The following ZBTB16 variants were observed in gnomAD, a reference collection of about 807,000 sequenced individuals.
ZBTB16 encodes the protein zinc finger and BTB domain-containing protein 16.
ZBTB16 carries 8 observed loss-of-function variants against 56.8 expected under a neutral mutation model. That is an observed-to-expected ratio of 0.14 (90% CI 0.08 to 0.25). The LOEUF is 0.25. Among genes scored for constraint, ZBTB16 ranks in the 10% least tolerant of loss-of-function variants. The probability of loss-of-function intolerance (pLI) is 1.00; values close to 1 mark genes in which losing one functional copy is unlikely to be tolerated. For synonymous variants in ZBTB16, 363 were observed against 368.5 expected, an observed-to-expected ratio of 0.98 and a Z score of 0.17; for missense variants, 625 against 903.0, an observed-to-expected ratio of 0.69 and a Z score of 3.95.
At chr11:114,211,256 C>G (rs1943993601) in intron 4 of ZBTB16, among the ~76,000 whole-genome samples, 1 of 152,136 alleles carries the variant, frequency 6.6e-6, no homozygotes, top group Non-Finnish European at 1.5e-5. Flanking sequence ...TCTTCTCCTT[C>G]CAGGCAGAAA....
intron 2 of ZBTB16, among the ~76,000 whole-genome samples, chr11:114,149,986 C>T (rs1942243219): frequency 6.6e-6 from 1 of 152,220 alleles, no homozygotes; most frequent in African/African-American, 2.4e-5. Flanking sequence ...TGGATCTGTG[C>T]TGAGGCCATA....
chr11:114,183,997 C>G (rs1943309456), intron 3 of ZBTB16, among the ~76,000 whole-genome samples: 1 of 152,376 alleles, frequency 6.6e-6, no homozygotes, highest in South Asian at 2.1e-4. Flanking sequence ...ACCCAGAGGT[C>G]ACCATGGGAT....
chr11:114,225,157 G>A (rs563551970), intron 4 of ZBTB16, among the ~76,000 whole-genome samples: 13 of 152,258 alleles, frequency 8.5e-5, no homozygotes, highest in African/African-American at 3.1e-4. Flanking sequence ...GGCCGAATAT[G>A]AAAGAAGTAA....
intron 3 of ZBTB16, among the ~76,000 whole-genome samples, chr11:114,160,802 A>G (rs748637888): frequency 2.0e-5 from 3 of 152,214 alleles, no homozygotes. Flanking sequence ...CTCATTAACT[A>G]ATGAGATGAT....
chr11:114,067,402 CT>C (rs1939156902), intron 2 of ZBTB16, among the ~76,000 whole-genome samples: 1 of 152,062 alleles, frequency 6.6e-6, no homozygotes, highest in Admixed American at 6.6e-5. Flanking sequence ...GAAGAATGTG[CT>C]TTTGTTGTTG....
rs1335398994 is a variant in ZBTB16 at position 114,233,103 on chromosome 11, ACACACACACACACACACACACACT to A, written c.1454-9062_1454-9039del. Among the ~76,000 whole-genome samples the A allele has an allele frequency of 5.0e-4, 21 of 42,072 alleles. 3 individuals carry two copies. The highest frequency in any genetic ancestry group is 4.8e-3 in the Admixed American group (15 of 3,098). The allele number at this position is 42,072 out of a possible 152,430, so 27.6% of individuals were successfully genotyped here. On this transcript the variant is annotated intron_variant, in intron 4 of 6. Coordinates refer to ENST00000335953, the MANE Select transcript of ZBTB16 (RefSeq NM_006006.6). ...CGCGCACACACACACACACACACAC[ACACACACACACACACACACACACT>A]CTCTCTCTCTCACACTCCCTTTCCT...
intron 2 of ZBTB16, among the ~76,000 whole-genome samples, chr11:114,065,370 T>C (rs1939074765): frequency 6.6e-6 from 1 of 152,204 alleles, no homozygotes; most frequent in Non-Finnish European, 1.5e-5. Context: ...CTAAGCACTT[T>C]CCATGAGTTG....
chr11:114,151,089 C>G (rs1942267866), intron 2 of ZBTB16, among the ~76,000 whole-genome samples: 1 of 152,194 alleles, frequency 6.6e-6, no homozygotes, highest in African/African-American at 2.4e-5. Context: ...CCTATCTATT[C>G]TGAGTACCCC....
intron 3 of ZBTB16, among the ~76,000 whole-genome samples, chr11:114,171,016 A>G (rs1011582771): frequency 6.6e-6 from 1 of 152,200 alleles, no homozygotes; most frequent in South Asian, 2.1e-4. Context: ...CTGAGAGAGC[A>G]CTGCTGGGGG....
chr11:114,095,195 G>GA (rs1940336743), intron 2 of ZBTB16, among the ~76,000 whole-genome samples: 1 of 150,944 alleles, frequency 6.6e-6, no homozygotes, highest in Non-Finnish European at 1.5e-5. Flanking sequence ...GTTTAGTTTG[G>GA]AAAACCACAG....
intron 2 of ZBTB16, among the ~76,000 whole-genome samples, chr11:114,156,022 A>G (rs1942399416): frequency 6.6e-6 from 1 of 152,176 alleles, no homozygotes; most frequent in Non-Finnish European, 1.5e-5. Flanking sequence ...AGTGAGCATT[A>G]TGTCTGTCTG....
chr11:114,233,059 ATACGCATGCGCGCGCGCGCGCG>A (rs1236713185), intron 4 of ZBTB16, among the ~76,000 whole-genome samples: 3 of 113,448 alleles, frequency 2.6e-5, no homozygotes, highest in African/African-American at 9.4e-5. Flanking sequence ...TCTACTGCAC[ATACGCATGCGCGCGCGCGCGCG>A]CACACACACA....
intron 3 of ZBTB16, among the ~76,000 whole-genome samples, chr11:114,169,203 G>A (rs1021367719): frequency 2.0e-5 from 3 of 152,176 alleles, no homozygotes. Flanking sequence ...AGGGGCAGCC[G>A]ACCTGTGCTG....
intron 4 of ZBTB16, chr11:114,189,267 A>G (rs1943436046): frequency 1.3e-5 from 2 of 152,224 alleles, no homozygotes; most frequent in Admixed American, 6.5e-5. Flanking sequence ...ATAATGGGCA[A>G]AGGTTCTGAA....
intron 2 of ZBTB16, among the ~76,000 whole-genome samples, chr11:114,109,985 A>G (rs1353308958): frequency 6.6e-6 from 1 of 152,164 alleles, no homozygotes; most frequent in Non-Finnish European, 1.5e-5. Flanking sequence ...GGAGCCCACA[A>G]TTCAACTCCT....
chr11:114,098,084 C>T (rs1940482692), intron 2 of ZBTB16, among the ~76,000 whole-genome samples: 1 of 152,162 alleles, frequency 6.6e-6, no homozygotes, highest in African/African-American at 2.4e-5. Flanking sequence ...GTGAGCTTCT[C>T]AACAGCATCT....
rs1241631794 is a variant in ZBTB16 at position 114,251,812 on chromosome 11, G to A, written c.*1257G>A. Among the ~76,000 whole-genome samples, 1 of 152,256 alleles carries A rather than the reference G, an allele frequency of 6.6e-6. No individual in the cohort carries two copies. Among genetic ancestry groups the A allele is most frequent in the East Asian group, 1.9e-4 (1 of 5,172 alleles). ...AGGAGGAGGATTTGAAAGCGCTTTG[G>A]CCTTGTGTTATGTTTTGCTTCTTTT... On this transcript the variant is annotated 3_prime_UTR_variant, in exon 7 of 7. Transcript: ENST00000335953.
At chr11:114,157,763 C>T (rs954858857) in intron 3 of ZBTB16, among the ~76,000 whole-genome samples, 1 of 152,222 alleles carries the variant, frequency 6.6e-6, no homozygotes, top group East Asian at 1.9e-4. Context: ...CTTCTCACTT[C>T]CCATTCTTCC....
chr11:114,211,726 C>T (rs917772742), intron 4 of ZBTB16, among the ~76,000 whole-genome samples: 2 of 152,176 alleles, frequency 1.3e-5, no homozygotes, highest in African/African-American at 4.8e-5. Flanking sequence ...CGTTTGCGTT[C>T]GCAGTGGGGA....
Sources: allele counts gnomAD v4.1 joint callset (sites outside exome capture counted in the v4.1 genomes callset), GRCh38; gene constraint gnomAD v4.1.1; transcripts MANE v1.5; gene names NCBI Gene and HGNC (gene_info 2026-07-23, HGNC 2026-07-21).